Variants in ANO10 observed in about 807,000 individuals in gnomAD.
The protein encoded by ANO10 is anoctamin 10.
Under a neutral mutation model 74.7 loss-of-function variants are expected in ANO10, and 77 were observed. The ratio of observed to expected loss-of-function variants is 1.03; its 90% CI spans 0.86 to 1.25. ANO10 has a LOEUF of 1.25. Among genes scored for constraint, ANO10 ranks in the 50% most tolerant of loss-of-function variants. The pLI is 0.00. For synonymous variants in ANO10, 279 were observed against 284.9 expected (o/e 0.98, Z 0.21); for missense variants, 721 against 778.1 (o/e 0.93, Z 0.87).
chr3:43,641,175 TA>T (rs1328051688), intron 1 of ANO10, among the ~76,000 whole-genome samples: 1 of 152,234 alleles, frequency 6.6e-6, no homozygotes. Context: ...TTCATTGTCA[TA>T]TGTTTAAAGA....
At chr3:43,647,274 C>T (rs946149675) in intron 1 of ANO10, among the ~76,000 whole-genome samples, 11 of 151,698 alleles carry the variant, frequency 7.3e-5, no homozygotes, top group Non-Finnish European at 1.2e-4. Context: ...TGAGAAATCT[C>T]ATGATCTGCT....
chr3:43,491,668 T>G (rs2076729770), intron 11 of ANO10, among the ~76,000 whole-genome samples: 1 of 152,086 alleles, frequency 6.6e-6, no homozygotes, highest in African/African-American at 2.4e-5. Context: ...GCTCTAAAAC[T>G]TGCCTCGGTC....
chr3:43,381,620 G>C (rs1398349831), intron 12 of ANO10, among the ~76,000 whole-genome samples: 1 of 152,116 alleles, frequency 6.6e-6, no homozygotes, highest in East Asian at 1.9e-4. Flanking sequence ...CGATAATAGT[G>C]GGGGACTTCA....
intron 12 of ANO10, among the ~76,000 whole-genome samples, chr3:43,424,063 C>T (rs1345184103): frequency 6.6e-6 from 1 of 152,212 alleles, no homozygotes; most frequent in Non-Finnish European, 1.5e-5. Context: ...TCCCCCAACA[C>T]ACTGCTCCAT....
chr3:43,553,112 T>C (rs1313742721), intron 10 of ANO10, among the ~76,000 whole-genome samples: 1 of 152,078 alleles, frequency 6.6e-6, no homozygotes, highest in Non-Finnish European at 1.5e-5. Context: ...ATATTGACAA[T>C]ACTTTAAGGA....
At chr3:43,518,890 G>T (rs190934340) in intron 11 of ANO10, among the ~76,000 whole-genome samples, 14 of 152,214 alleles carry the variant, frequency 9.2e-5, no homozygotes, top group African/African-American at 3.4e-4. Flanking sequence ...TTTCGCCCTG[G>T]TCCTGTGATC....
intron 12 of ANO10, among the ~76,000 whole-genome samples, chr3:43,367,599 G>T (rs2091457377): frequency 6.6e-6 from 1 of 152,046 alleles, no homozygotes; most frequent in Admixed American, 6.5e-5. Context: ...AGATAGAGGT[G>T]CCCTCCTCGA....
intron 12 of ANO10, among the ~76,000 whole-genome samples, chr3:43,431,923 G>A (rs894768524): frequency 1.3e-5 from 2 of 152,232 alleles, no homozygotes; most frequent in East Asian, 3.9e-4. Context: ...GCCAAAGAAG[G>A]AGTATGTGTC....
intron 6 of ANO10, among the ~76,000 whole-genome samples, chr3:43,576,121 A>G (rs1482652): frequency 0.78 from 118,446 of 152,150 alleles, 46,648 homozygotes; most frequent in East Asian, 0.89. Flanking sequence ...CCTTCAATGA[A>G]CTCAACAGCA....
At chr3:43,391,181 T>A (rs2092265464) in intron 12 of ANO10, among the ~76,000 whole-genome samples, 1 of 152,184 alleles carries the variant, frequency 6.6e-6, no homozygotes, top group Non-Finnish European at 1.5e-5. Flanking sequence ...TACAGGAGAA[T>A]GTTCCCTAAA....
intron 1 of ANO10, among the ~76,000 whole-genome samples, chr3:43,680,098 C>CG (rs1267403269): frequency 6.6e-6 from 1 of 152,112 alleles, no homozygotes; most frequent in Non-Finnish European, 1.5e-5. Flanking sequence ...ATGACTTTGA[C>CG]GAGTTGAGAG....
intron 12 of ANO10, among the ~76,000 whole-genome samples, chr3:43,417,278 G>A (rs1303044386): frequency 2.0e-5 from 3 of 152,132 alleles, no homozygotes; most frequent in Non-Finnish European, 4.4e-5. Flanking sequence ...TCCGTTCTCT[G>A]CCAACCACAT....
At chr3:43,506,723 A>G (rs1054603570) in intron 11 of ANO10, among the ~76,000 whole-genome samples, 2 of 152,064 alleles carry the variant, frequency 1.3e-5, no homozygotes, top group Non-Finnish European at 2.9e-5. Flanking sequence ...TCCACTAGGT[A>G]TCTGCATGGC....
chr3:43,577,212 A>T lies in ANO10; in HGVS notation c.642T>A (p.Phe214Leu), dbSNP rs1177380009. 1.2e-6 allele frequency: 2 copies of T among 1,614,088 alleles called. No homozygotes were observed. Among genetic ancestry groups the T allele is most frequent in the African/African-American group, 2.7e-5 (2 of 74,944 alleles). ...FGETIALYFG[F>L]LEYFTFALIP... is the part of the protein sequence containing the mutation. ...TTAATGCAAAAGTGAAATACTCCAA[A>T]AATCCAAAGTACAGAGCAATTGTTT... Residue 214 changes from phenylalanine to leucine, a missense_variant, in exon 6 of 13, where the codon TTT becomes TTA. Transcript: ENST00000292246.
At chr3:43,435,979 T>C (rs1291732611) in intron 11 of ANO10, among the ~76,000 whole-genome samples, 2 of 152,146 alleles carry the variant, frequency 1.3e-5, no homozygotes, top group Non-Finnish European at 2.9e-5. Context: ...AAGGAGCCAA[T>C]ATTGTCTCTA....
rs992996058 is a variant in ANO10, at chr3:43,366,406, G to A, written c.*500C>T. 3.5e-5 allele frequency: 8 copies of A among 230,710 alleles called. No individual in the cohort carries two copies. The highest frequency in any genetic ancestry group is 6.1e-5 in the Non-Finnish European group (7 of 114,952). The allele number at this position is 230,710 out of a possible 1,614,324, so 14.3% of individuals were successfully genotyped here. A position where few individuals can be genotyped will look rare whatever the true frequency, so the allele number is the denominator to read the frequency against. ...TTGATAAAGGGTCTGTTAATGTATT[G>A]CAAAAGAGAACCAGGAAAGAGGTCC... On this transcript the variant is annotated 3_prime_UTR_variant, in exon 13 of 13. Transcript: ENST00000292246.
At chr3:43,392,450 G>A (rs940412912) in intron 12 of ANO10, among the ~76,000 whole-genome samples, 11 of 152,216 alleles carry the variant, frequency 7.2e-5, no homozygotes, top group African/African-American at 2.4e-4. Context: ...TCATGGAGAT[G>A]ATCCCATATC....
chr3:43,690,791 T>G (rs912292113), intron 1 of ANO10: 7 of 461,438 alleles, frequency 1.5e-5, no homozygotes, highest in African/African-American at 1.2e-4. Context: ...AACTAGTGCA[T>G]GCTGGCTGGG....
chr3:43,381,856 T>C (rs752933288), intron 12 of ANO10, among the ~76,000 whole-genome samples: 4 of 152,042 alleles, frequency 2.6e-5, no homozygotes, highest in African/African-American at 4.8e-5. Context: ...AAATCGAAAT[T>C]ATGGCAAGTA....
Sources: allele counts gnomAD v4.1 joint callset (sites outside exome capture counted in the v4.1 genomes callset), GRCh38; gene constraint gnomAD v4.1.1; transcripts MANE v1.5; gene names NCBI Gene and HGNC (gene_info 2026-07-23, HGNC 2026-07-21).